Variants in NOVA1 observed in about 807,000 individuals in gnomAD.
The protein encoded by NOVA1 is NOVA alternative splicing regulator 1, also known as RNA-binding protein Nova-1.
A neutral mutation model predicts 38.0 loss-of-function variants in NOVA1; 7 were observed. That is an observed-to-expected ratio of 0.18 (90% CI 0.10 to 0.35). The LOEUF is 0.35. Ranked by LOEUF, NOVA1 falls within the 10% of genes least tolerant of loss-of-function variation. The probability of loss-of-function intolerance (pLI) is 1.00; values close to 1 mark genes in which losing one functional copy is unlikely to be tolerated. For synonymous variants in NOVA1, 270 were observed against 232.5 expected (o/e 1.16, Z -1.47); for missense variants, 460 against 616.0 (o/e 0.75, Z 2.68).
At chr14:26,566,115 GCATAA>G (rs955862057) in intron 2 of NOVA1, among the ~76,000 whole-genome samples, 39 of 152,134 alleles carry the variant, frequency 2.6e-4, no homozygotes, top group Admixed American at 9.8e-4. Context: ...TATAAGGAAT[GCATAA>G]CATAACAGCT....
intron 4 of NOVA1, chr14:26,470,463 T>C: frequency 6.4e-7 from 1 of 1,560,524 alleles, no homozygotes; most frequent in Non-Finnish European, 8.8e-7. Flanking sequence ...TATATCTTGC[T>C]TCATGATATC....
At chr14:26,509,348 A>ACCC (rs1887882752) in intron 2 of NOVA1, among the ~76,000 whole-genome samples, 1 of 152,182 alleles carries the variant, frequency 6.6e-6, no homozygotes. Context: ...TGAATATCCT[A>ACCC]AGTAAGACTC....
At chr14:26,481,845 G>C (rs1409596423) in intron 2 of NOVA1, among the ~76,000 whole-genome samples, 2 of 151,956 alleles carry the variant, frequency 1.3e-5, no homozygotes, top group African/African-American at 4.8e-5. Flanking sequence ...GAAAGGATAG[G>C]AACTGATCAA....
chr14:26,582,368 T>C lies in NOVA1; in HGVS notation c.280+13042A>G, dbSNP rs1224040911. ...AAACCCTTGGATAAAAGCATAATTT[T>C]AAAAATAAAAAATGAATATTATGTC... On this transcript the variant is annotated intron_variant, in intron 2 of 4. Coordinates refer to ENST00000539517, the MANE Select transcript of NOVA1 (RefSeq NM_002515.3). Among the ~76,000 whole-genome samples, 3 of 151,792 alleles carry C rather than the reference T, an allele frequency of 2.0e-5. No individual in the cohort carries two copies. In the East Asian group the frequency reaches 5.8e-4, roughly 29 times the overall value.
chr14:26,520,927 T>C (rs753627987), intron 2 of NOVA1, among the ~76,000 whole-genome samples: 5 of 152,144 alleles, frequency 3.3e-5, no homozygotes, highest in Non-Finnish European at 7.4e-5. Flanking sequence ...CGCCATAATG[T>C]ACAACTCTTA....
chr14:26,587,871 CT>C (rs915740420), intron 2 of NOVA1, among the ~76,000 whole-genome samples: 52 of 151,134 alleles, frequency 3.4e-4, no homozygotes, highest in African/African-American at 9.2e-4. Context: ...CCCTTCCCCC[CT>C]AGATTAGATC....
At chr14:26,504,805 A>G (rs889929143) in intron 2 of NOVA1, among the ~76,000 whole-genome samples, 2 of 152,128 alleles carry the variant, frequency 1.3e-5, no homozygotes. Context: ...CCAAACTCAC[A>G]GAAAACAAGC....
intron 2 of NOVA1, among the ~76,000 whole-genome samples, chr14:26,531,245 G>C (rs1889686753): frequency 6.6e-6 from 1 of 152,114 alleles, no homozygotes; most frequent in South Asian, 2.1e-4. Flanking sequence ...GATCAAATTT[G>C]TTTTCACACA....
At chr14:26,567,289 AATTT>A (rs1892192891) in intron 2 of NOVA1, among the ~76,000 whole-genome samples, 2 of 103,924 alleles carry the variant, frequency 1.9e-5, no homozygotes, top group African/African-American at 6.5e-5. Flanking sequence ...TGTCTTGTTT[AATTT>A]TTTTTTTTTT....
intron 4 of NOVA1, among the ~76,000 whole-genome samples, chr14:26,467,138 C>T (rs565847337): frequency 2.0e-4 from 31 of 152,124 alleles, no homozygotes; most frequent in African/African-American, 7.5e-4. Context: ...GAGCACTTCA[C>T]CATTAAGTAG....
intron 2 of NOVA1, among the ~76,000 whole-genome samples, chr14:26,566,234 T>A (rs191596450): frequency 5.9e-5 from 9 of 152,306 alleles, no homozygotes; most frequent in South Asian, 2.1e-4. Context: ...GGAAATGTCA[T>A]ACTTATTTAA....
At position 26,597,418 on chromosome 14, in the gene NOVA1, T is replaced by C; in HGVS notation, c.19A>G (p.Ile7Val). The C allele has an allele frequency of 7.8e-7, 1 of 1,287,178 alleles. No homozygotes were observed. Among genetic ancestry groups the C allele is most frequent in the Non-Finnish European group, 9.9e-7 (1 of 1,010,732 alleles). 79.7% of individuals were successfully genotyped at this position (1,287,178 alleles called of 1,614,324 possible). A position where few individuals can be genotyped will look rare whatever the true frequency, so the allele number is the denominator to read the frequency against. Residue 7 changes from isoleucine to valine, a missense_variant, in exon 1 of 5, where the codon ATC (isoleucine) becomes GTC (valine). By Grantham distance (29) the Ile-to-Val change is conservative. Coordinates refer to ENST00000539517, the MANE Select transcript of NOVA1 (RefSeq NM_002515.3). Reference sequence around the variant, plus strand: ...CCAGTGTGGGTCCCGTTCTGCTGGATGGGAGCTGCCGCCATCATGTTTGCA... The same window carrying C: ...CCAGTGTGGGTCCCGTTCTGCTGGACGGGAGCTGCCGCCATCATGTTTGCA... MMAAAP[I>V]QQNGTHTGVP...
At position 26,493,860 on chromosome 14, in the gene NOVA1, A is replaced by G. The variant is rs537704526; in HGVS notation, c.281-13717T>C. Among the ~76,000 whole-genome samples, 5 of 152,052 alleles carry G rather than the reference A, an allele frequency of 3.3e-5. No homozygotes were observed. In the East Asian group the frequency reaches 9.7e-4, roughly 29 times the overall value. The stretch of plus-strand genomic sequence containing the variant: ...TTCATTTGAGCCAACTCTTCCCCTA[A>G]CCTTTAGTGACTTCAGTATTTCACT... On this transcript the variant is annotated intron_variant, in intron 2 of 4. Transcript: ENST00000539517.
intron 2 of NOVA1, among the ~76,000 whole-genome samples, chr14:26,581,047 T>G (rs1251698005): frequency 6.6e-6 from 1 of 152,070 alleles, no homozygotes; most frequent in African/African-American, 2.4e-5. Flanking sequence ...AAGTTATAAT[T>G]ATGAAAGAGG....
At chr14:26,527,261 A>T (rs1453753282) in intron 2 of NOVA1, among the ~76,000 whole-genome samples, 1 of 152,010 alleles carries the variant, frequency 6.6e-6, no homozygotes, top group Non-Finnish European at 1.5e-5. Context: ...AATTTAGATG[A>T]CCTCGTTCCA....
intron 2 of NOVA1, among the ~76,000 whole-genome samples, chr14:26,565,166 G>C (rs1892058281): frequency 6.6e-6 from 1 of 151,686 alleles, no homozygotes; most frequent in African/African-American, 2.4e-5. Flanking sequence ...AAACACAATA[G>C]CTGCTTGACT....
At chr14:26,513,769 C>T (rs1888267225) in intron 2 of NOVA1, among the ~76,000 whole-genome samples, 1 of 151,550 alleles carries the variant, frequency 6.6e-6, no homozygotes, top group Admixed American at 6.6e-5. Context: ...TAATTGGGAA[C>T]TAGAAATGAA....
At chr14:26,483,090 C>T (rs1334409937) in intron 2 of NOVA1, among the ~76,000 whole-genome samples, 1 of 152,184 alleles carries the variant, frequency 6.6e-6, no homozygotes, top group Non-Finnish European at 1.5e-5. Context: ...TTGACATTTA[C>T]AATGACTTTA....
At position 26,597,514 on chromosome 14, in the gene NOVA1, T is replaced by C. The variant is rs1362228372; in HGVS notation, c.-78A>G. 1.6e-5 allele frequency: 19 copies of C among 1,153,922 alleles called. No individual in the cohort carries two copies. Among genetic ancestry groups the C allele is most frequent in the Middle Eastern group, 3.5e-4 (1 of 2,878 alleles). The allele number at this position is 1,153,922 out of a possible 1,614,324, so 71.5% of individuals were successfully genotyped here. ...CTTTTTCTTTTCTTTTTTCTTTTTT[T>C]TTTTTTTTTTTTTTTGCGTTTGGGG... On this transcript the variant is annotated 5_prime_UTR_variant, in exon 1 of 5. Transcript: ENST00000539517.
Sources: gnomAD v4.1 joint callset for allele counts (sites outside exome capture counted in the v4.1 genomes callset) on GRCh38, gnomAD v4.1.1 for gene constraint, MANE v1.5 for transcripts, NCBI Gene and HGNC (gene_info 2026-07-23, HGNC 2026-07-21) for gene names.